Variants in ABCC5 observed in about 807,000 individuals in gnomAD.
The protein encoded by ABCC5 is ATP binding cassette subfamily C member 5, also known as ATP-binding cassette sub-family C member 5.
A neutral mutation model predicts 160.9 loss-of-function variants in ABCC5; 61 were observed. The ratio of observed to expected loss-of-function variants is 0.38; its 90% confidence interval spans 0.31 to 0.47. ABCC5 has a LOEUF of 0.47. ABCC5 is among the 20% of genes least tolerant of loss of function. The pLI, the probability that ABCC5 is intolerant of heterozygous loss-of-function variation, is 0.99. For synonymous variants in ABCC5, 666 were observed against 700.6 expected (o/e 0.95, Z 0.78); for missense variants, 1,308 against 1,813.3 (o/e 0.72, Z 5.06).
intron 2 of ABCC5, among the ~76,000 whole-genome samples, chr3:183,991,398 C>T (rs1719757760): frequency 1.3e-5 from 2 of 152,158 alleles, no homozygotes; most frequent in African/African-American, 4.8e-5. Flanking sequence ...GCACCTAACA[C>T]ACCAAGCCTT....
chr3:183,995,751 A>G (rs1720221683), intron 2 of ABCC5, among the ~76,000 whole-genome samples: 1 of 152,164 alleles, frequency 6.6e-6, no homozygotes. Flanking sequence ...TGTTTTAGCT[A>G]TTCTAGTTCT....
chr3:183,972,478 A>G (rs1484093431), intron 10 of ABCC5, among the ~76,000 whole-genome samples: 3 of 152,130 alleles, frequency 2.0e-5, no homozygotes, highest in African/African-American at 7.2e-5. Flanking sequence ...TCTTGCCAAG[A>G]AACTCTCATG....
chr3:183,944,262 C>T (rs893158840), intron 24 of ABCC5, among the ~76,000 whole-genome samples: 2 of 151,960 alleles, frequency 1.3e-5, no homozygotes, highest in Non-Finnish European at 2.9e-5. Context: ...GGCCTAGTGG[C>T]GCATGCCTGT....
chr3:183,981,651 C>A, intron 8 of ABCC5, 76 bp downstream of exon 8: 1 of 1,514,754 alleles, frequency 6.6e-7, no homozygotes, highest in Non-Finnish European at 9.0e-7. Context: ...GCTCAGAAAG[C>A]AAAGTGTGTG....
rs1244685302 is a variant in ABCC5 at position 183,928,776 on chromosome 3, C to A, written c.3904G>T (p.Ala1302Ser). ...TCTTTCATGTGTGTCCTCTCCAGGG[C>A]ATCCCAAATCTGGTCTTCAGTGTAC... is the stretch of plus-strand genomic sequence containing the variant. ...NQYTEDQIWD[A>S]LERTHMKECI... Residue 1302 changes from alanine to serine, a missense_variant, in exon 27 of 30, where the codon GCC (alanine) becomes TCC (serine). Physicochemically the swap from Ala to Ser is moderately conservative, Grantham distance 99. Transcript: ENST00000334444. 6.2e-7 allele frequency: 1 copy of A among 1,614,154 alleles called. No individual in the cohort carries two copies. Among genetic ancestry groups the A allele is most frequent in the Non-Finnish European group, 8.5e-7 (1 of 1,180,016 alleles).
chr3:183,939,357 T>C (rs920582625), intron 25 of ABCC5, among the ~76,000 whole-genome samples: 1 of 152,164 alleles, frequency 6.6e-6, no homozygotes, highest in Non-Finnish European at 1.5e-5. Flanking sequence ...CACTTGAACC[T>C]GGGAGGCGGA....
chr3:183,981,614 C>A, intron 8 of ABCC5, 113 bp downstream of exon 8: 1 of 1,178,092 alleles, frequency 8.5e-7, no homozygotes, highest in Non-Finnish European at 1.2e-6. Context: ...TCCTACGATA[C>A]TAGACACTAG....
In ABCC5 at chr3:183,953,014, G is replaced by C. The variant is rs1028253770; in HGVS notation, c.2667+72C>G. ...GTGAAAACTAGAACAGTTTCCCTAA[G>C]AATAGCCAGGGAATAGGGAGAAACG... On this transcript the variant is annotated intron_variant, in intron 18 of 29. Coordinates refer to ENST00000334444, the MANE Select transcript of ABCC5 (RefSeq NM_005688.4). 14 of 1,445,754 alleles carry C rather than the reference G, an allele frequency of 9.7e-6. No individual in the cohort carries two copies. The Admixed American group carries it at 1.3e-4, about 13-fold the overall frequency. The allele number at this position is 1,445,754 out of a possible 1,614,324, so 89.6% of individuals were successfully genotyped here.
chr3:183,986,984 T>C (rs918151133), intron 5 of ABCC5: 2 of 152,202 alleles, frequency 1.3e-5, no homozygotes, highest in African/African-American at 2.4e-5. Context: ...TTTTACCTAA[T>C]TGCCATGCAT....
intron 10 of ABCC5, among the ~76,000 whole-genome samples, chr3:183,976,302 T>C (rs1718211830): frequency 6.6e-6 from 1 of 151,438 alleles, no homozygotes; most frequent in Admixed American, 6.6e-5. Flanking sequence ...TTGCCCAGGC[T>C]GGAGTGCAGT....
intron 26 of ABCC5, among the ~76,000 whole-genome samples, chr3:183,936,311 T>C (rs1431526040): frequency 6.6e-6 from 1 of 152,074 alleles, no homozygotes; most frequent in Admixed American, 6.6e-5. Flanking sequence ...TTCTGTTGTT[T>C]AAGCCACCCA....
chr3:183,971,837 G>C lies in ABCC5; in HGVS notation c.1487C>G (p.Thr496Ser). 1 of 1,614,108 alleles carries C rather than the reference G, an allele frequency of 6.2e-7. No individual in the cohort carries two copies. The highest frequency in any genetic ancestry group is 8.5e-7 in the Non-Finnish European group (1 of 1,180,040). The change falls in exon 11 of 30, where the codon ACC (threonine) becomes AGC (serine). Residue 496 changes from threonine (T) to serine (S), a missense_variant. Physicochemically the swap from Thr to Ser is moderately conservative, Grantham distance 58. Around this residue, in one of 3 missense-constraint regions of ABCC5, gnomAD observed 1,142 missense variants for 1,527.1 expected, o/e 0.75. Transcript: ENST00000334444. ...PHIKIEMKNA[T>S]LAWDSSHSSI... ...GGAGTGGGAGGAGTCCCATGCCAAGGTGGCATTTTTCATCTCTATCTTGAT... is the reference window on the plus strand; with the variant it reads ...GGAGTGGGAGGAGTCCCATGCCAAGCTGGCATTTTTCATCTCTATCTTGAT...
intron 17 of ABCC5, among the ~76,000 whole-genome samples, chr3:183,956,485 ATC>A (rs1188232597): frequency 6.6e-6 from 1 of 150,660 alleles, no homozygotes; most frequent in Non-Finnish European, 1.5e-5. Context: ...TGTATATCAC[ATC>A]TGTTACATGC....
At chr3:183,979,400 GC>G (rs1453521040) in intron 8 of ABCC5, among the ~76,000 whole-genome samples, 1 of 150,814 alleles carries the variant, frequency 6.6e-6, no homozygotes, top group African/African-American at 2.4e-5. Flanking sequence ...CAGAGTGCCT[GC>G]TGTATGTTGG....
At chr3:183,968,630 A>AT (rs1216007684) in intron 11 of ABCC5, among the ~76,000 whole-genome samples, 6 of 152,246 alleles carry the variant, frequency 3.9e-5, no homozygotes, top group African/African-American at 1.2e-4. Context: ...TTAACTGAGT[A>AT]TCCTTAGGCA....
At chr3:183,976,826 C>T (rs947596101) in intron 10 of ABCC5, among the ~76,000 whole-genome samples, 3 of 152,072 alleles carry the variant, frequency 2.0e-5, no homozygotes, top group Non-Finnish European at 4.4e-5. Flanking sequence ...CAAGGAATTC[C>T]AGCCCACATG....
intron 26 of ABCC5, among the ~76,000 whole-genome samples, chr3:183,936,593 T>C (rs1330989147): frequency 1.3e-5 from 2 of 152,054 alleles, no homozygotes; most frequent in Non-Finnish European, 2.9e-5. Context: ...CTGCAAGCTC[T>C]GCCTCCCGGG....
intron 1 of ABCC5, among the ~76,000 whole-genome samples, chr3:184,016,970 C>T (rs1364870368): frequency 6.6e-6 from 1 of 152,158 alleles, no homozygotes; most frequent in Non-Finnish European, 1.5e-5. Flanking sequence ...TCAAGCTGCA[C>T]GAGGAAGACA....
At chr3:183,939,140 A>G (rs558083973) in intron 25 of ABCC5, among the ~76,000 whole-genome samples, 1 of 152,330 alleles carries the variant, frequency 6.6e-6, no homozygotes, top group South Asian at 2.1e-4. Context: ...TTTTTCACTT[A>G]ACACTGCATT....
Sources: gnomAD v4.1 joint callset for allele counts (sites outside exome capture counted in the v4.1 genomes callset) on GRCh38, gnomAD v4.1.1 for gene constraint, gnomAD v4.1.1 regional missense constraint, MANE v1.5 for transcripts, NCBI Gene and HGNC (gene_info 2026-07-23, HGNC 2026-07-21) for gene names.